Variants in PAPOLA observed in about 807,000 individuals in gnomAD.
PAPOLA encodes polynucleotide adenylyltransferase alpha.
In PAPOLA, 15 loss-of-function variants were observed where a neutral mutation model predicts 100.6. That is an observed-to-expected ratio of 0.15 (90% CI 0.10 to 0.23). The LOEUF (loss-of-function observed/expected upper bound fraction) is 0.23. Among genes scored for constraint, PAPOLA ranks in the 10% least tolerant of loss-of-function variants. The pLI is 1.00. For missense variants in PAPOLA, 533 were observed against 884.2 expected (o/e 0.60, Z 5.04); for synonymous variants, 293 against 300.0 (o/e 0.98, Z 0.24).
At chr14:96,542,147 G>T in intron 12 of PAPOLA, 96 bp from the exon 13 acceptor site, 1 of 673,890 alleles carries the variant, frequency 1.5e-6, no homozygotes, top group Non-Finnish European at 2.6e-6. Context: ...AATTGATGTG[G>T]ATCTATAACT....
intron 9 of PAPOLA, 144 bp downstream of exon 9, chr14:96,532,793 G>A (rs930739049): frequency 6.6e-6 from 9 of 1,353,416 alleles, no homozygotes; most frequent in Non-Finnish European, 8.5e-6. Context: ...ATCACATTGT[G>A]TATAAAATGG....
intron 1 of PAPOLA, among the ~76,000 whole-genome samples, chr14:96,519,198 G>A (rs867151498): frequency 9.2e-5 from 14 of 151,974 alleles, no homozygotes; most frequent in Non-Finnish European, 7.4e-5. Flanking sequence ...GAAGTGCTGG[G>A]ATTACAGGGG....
rs1898373805 is a variant in PAPOLA at position 96,525,393 on chromosome 14, T to C, written c.331+2T>C. On this transcript the variant is annotated splice_donor_variant, in intron 4 of 21. Coordinates refer to ENST00000216277, the MANE Select transcript of PAPOLA (RefSeq NM_032632.5). LOFTEE classifies it high-confidence loss of function. ...ACAGATTAGGAGTGCATACAAAAGGTAAGTATTATTTCATTTTTCTTAGAA... is the reference window on the plus strand; with the variant it reads ...ACAGATTAGGAGTGCATACAAAAGGCAAGTATTATTTCATTTTTCTTAGAA... 2 of 1,259,980 alleles carry C rather than the reference T, an allele frequency of 1.6e-6. No homozygotes were observed. Among genetic ancestry groups the C allele is most frequent in the Middle Eastern group, 1.9e-4 (1 of 5,250 alleles). The allele number at this position is 1,259,980 out of a possible 1,614,324, so 78.1% of individuals were successfully genotyped here.
intron 9 of PAPOLA, chr14:96,534,253 T>A: frequency 7.5e-7 from 1 of 1,335,034 alleles, no homozygotes; most frequent in African/African-American, 1.5e-5. Flanking sequence ...GTTCTTTGAG[T>A]GGCAGAGAAC....
At chr14:96,521,630 A>G (rs1429992427) in intron 3 of PAPOLA, among the ~76,000 whole-genome samples, 2 of 152,098 alleles carry the variant, frequency 1.3e-5, no homozygotes, top group Admixed American at 6.5e-5. Flanking sequence ...AGCTAGGACT[A>G]TAGGCATGTC....
At chr14:96,563,168 A>G (rs1902006708) in intron 21 of PAPOLA, among the ~76,000 whole-genome samples, 1 of 152,214 alleles carries the variant, frequency 6.6e-6, no homozygotes, top group East Asian at 1.9e-4. Flanking sequence ...TCATTTACAC[A>G]GGGTTCATAT....
intron 14 of PAPOLA, among the ~76,000 whole-genome samples, chr14:96,543,631 G>A (rs974063946): frequency 6.6e-6 from 1 of 151,860 alleles, no homozygotes; most frequent in African/African-American, 2.4e-5. Flanking sequence ...ATTATAACAA[G>A]ACCGTTTGAT....
At position 96,510,993 on chromosome 14, in the gene PAPOLA, T is replaced by G. The variant is rs117260572; in HGVS notation, c.8+8393T>G. 2.7e-3 allele frequency among the ~76,000 whole-genome samples: 406 copies of G among 152,364 alleles called. 8 individuals are homozygous for G. The East Asian group carries it at 0.056, about 21-fold the overall frequency. On this transcript the variant is annotated intron_variant, in intron 1 of 21. Transcript: ENST00000216277. The stretch of plus-strand genomic sequence containing the variant: ...GTTCATGTCCTTTGAATGAGCACAT[T>G]AAGGTTAAGACCTTTAAACAGCAAA...
chr14:96,556,770 T>C (rs1901374227), intron 19 of PAPOLA, among the ~76,000 whole-genome samples: 1 of 152,170 alleles, frequency 6.6e-6, no homozygotes, highest in African/African-American at 2.4e-5. Context: ...CTTTGGACAG[T>C]TTTTTGCTTC....
At chr14:96,531,986 G>A in intron 7 of PAPOLA, 1 of 1,240,182 alleles carries the variant, frequency 8.1e-7, no homozygotes, top group Non-Finnish European at 1.0e-6. Flanking sequence ...CTGTGCTCTT[G>A]AAGAGCAGTT....
chr14:96,549,517 G>A (rs1345527472), intron 16 of PAPOLA, among the ~76,000 whole-genome samples: 1 of 151,998 alleles, frequency 6.6e-6, no homozygotes, highest in Non-Finnish European at 1.5e-5. Flanking sequence ...CAAAGTGCTG[G>A]GATTACAGGT....
At chr14:96,547,187 A>C (rs1176140462) in intron 15 of PAPOLA, among the ~76,000 whole-genome samples, 1 of 152,120 alleles carries the variant, frequency 6.6e-6, no homozygotes, top group Non-Finnish European at 1.5e-5. Flanking sequence ...ATATGAATCA[A>C]GTATAGGTGT....
intron 1 of PAPOLA, among the ~76,000 whole-genome samples, chr14:96,509,343 CTG>C (rs1289702402): frequency 6.6e-6 from 1 of 152,098 alleles, no homozygotes; most frequent in Non-Finnish European, 1.5e-5. Context: ...GTTGGAATCT[CTG>C]TATAGTTTCA....
At chr14:96,525,287 A>G in intron 3 of PAPOLA, 23 bp from the exon 4 acceptor site, 2 of 1,182,704 alleles carry the variant, frequency 1.7e-6, no homozygotes, top group Non-Finnish European at 2.5e-6. Flanking sequence ...CACTGGCAAA[A>G]TAACCATTTT....
Position 96,523,945 on chromosome 14 carries a change from G to GA in PAPOLA, c.250-1348dup, listed in dbSNP as rs35388599. Among the ~76,000 whole-genome samples, 626 of 115,972 alleles carry GA rather than the reference G, an allele frequency of 5.4e-3. 3 individuals are homozygous for GA. Among genetic ancestry groups the GA allele is most frequent in the African/African-American group, 0.01 (317 of 31,116 alleles). The allele number at this position is 115,972 out of a possible 152,430, so 76.1% of individuals were successfully genotyped here. The stretch of plus-strand genomic sequence containing the variant: ...GGTGACAGAGCGAGACTCTGTCTCA[G>GA]AAAAAAAAAAAAAAAAATTACACAC... On this transcript the variant is annotated intron_variant, in intron 3 of 21. Transcript: ENST00000216277.
chr14:96,533,712 G>T (rs1434288031), intron 9 of PAPOLA: 3 of 319,644 alleles, frequency 9.4e-6, no homozygotes, highest in Non-Finnish European at 1.4e-5. Context: ...CTGCCACCAC[G>T]CCTGGCTAAT....
intron 2 of PAPOLA, among the ~76,000 whole-genome samples, chr14:96,520,532 C>A (rs529001449): frequency 6.6e-6 from 1 of 151,978 alleles, no homozygotes; most frequent in African/African-American, 2.4e-5. Flanking sequence ...CCCGCCACCA[C>A]GCCCGGCTAA....
Position 96,566,257 on chromosome 14 carries a change from T to G in PAPOLA, c.*1207T>G, listed in dbSNP as rs1393487116. 3.2e-5 allele frequency: 7 copies of G among 217,746 alleles called. No homozygotes were observed. Among genetic ancestry groups the G allele is most frequent in the Non-Finnish European group, 4.5e-5 (5 of 111,196 alleles). 13.5% of individuals were successfully genotyped at this position (217,746 alleles called of 1,614,324 possible). A position where few individuals can be genotyped will look rare whatever the true frequency, so the allele number is the denominator to read the frequency against. On this transcript the variant is annotated 3_prime_UTR_variant, in exon 22 of 22. Transcript: ENST00000216277. Reference sequence around the variant, plus strand: ...CGTGTAGAAGCATTTTAAAAATCATTTCTAGCAAGCACTTGACATCTAGTC... The same window carrying G: ...CGTGTAGAAGCATTTTAAAAATCATGTCTAGCAAGCACTTGACATCTAGTC...
At chr14:96,514,328 C>G (rs890203799) in intron 1 of PAPOLA, among the ~76,000 whole-genome samples, 1 of 152,048 alleles carries the variant, frequency 6.6e-6, no homozygotes, top group African/African-American at 2.4e-5. Context: ...CAACTGCCAC[C>G]ACGCCCGGCT....
Sources: gnomAD v4.1 joint callset for allele counts (sites outside exome capture counted in the v4.1 genomes callset) on GRCh38, gnomAD v4.1.1 for gene constraint, MANE v1.5 for transcripts, NCBI Gene and HGNC (gene_info 2026-07-23, HGNC 2026-07-21) for gene names.